Variants in WDR64 observed in about 807,000 individuals in gnomAD.
The protein encoded by WDR64 is WD repeat-containing protein 64.
Under a neutral mutation model 139.3 loss-of-function variants are expected in WDR64, and 112 were observed. That is an observed-to-expected ratio of 0.80 (90% CI 0.69 to 0.94). WDR64 has a LOEUF of 0.94. WDR64 is among the 40% of genes least tolerant of loss of function. WDR64 has a pLI of 0.00. For synonymous variants in WDR64, 444 were observed against 437.7 expected, an observed-to-expected ratio of 1.01 and a Z score of -0.18; for missense variants, 1,206 against 1,293.1, an observed-to-expected ratio of 0.93 and a Z score of 1.03.
intron 8 of WDR64, among the ~76,000 whole-genome samples, chr1:241,694,484 T>G (rs1363677131): frequency 1.4e-5 from 2 of 146,704 alleles, no homozygotes; most frequent in African/African-American, 5.5e-5. Context: ...TTAGTTTCTG[T>G]AATATAATTA....
At chr1:241,747,921 T>A (rs1669825881) in intron 13 of WDR64, among the ~76,000 whole-genome samples, 1 of 152,110 alleles carries the variant, frequency 6.6e-6, no homozygotes. Flanking sequence ...ATTGCTGAGA[T>A]CTGAGTGTAG....
Position 241,771,552 on chromosome 1 carries a change from G to A in WDR64, c.2254-109G>A, listed in dbSNP as rs1574085508. 11 of 737,294 alleles carry A rather than the reference G, an allele frequency of 1.5e-5. No individual in the cohort carries two copies. The East Asian group carries it at 3.3e-4, about 22-fold the overall frequency. 45.7% of individuals were successfully genotyped at this position (737,294 alleles called of 1,614,324 possible). The stretch of plus-strand genomic sequence containing the variant: ...AAAAAATTAAAGTATAATTTTAAAA[G>A]TAATGCTTAGAAATGAAAATTCAAC... On this transcript the variant is annotated intron_variant, in intron 18 of 27. Coordinates refer to ENST00000437684, the MANE Select transcript of WDR64 (RefSeq NM_001367482.1).
chr1:241,780,080 C>T lies in WDR64; in HGVS notation c.2595+18C>T, dbSNP rs759215431. 6 of 1,581,690 alleles carry T rather than the reference C, an allele frequency of 3.8e-6. No individual in the cohort carries two copies. In the East Asian group the frequency reaches 1.2e-4, roughly 30 times the overall value. On this transcript the variant is annotated intron_variant, in intron 22 of 27. Transcript: ENST00000437684. ...ATGAAAAGGTAAGAACTTCAGTTTT[C>T]CACTTTAATTTATGAGTCAGCATAT...
chr1:241,664,506 CTG>C (rs1165715703), intron 2 of WDR64, among the ~76,000 whole-genome samples: 1 of 152,194 alleles, frequency 6.6e-6, no homozygotes, highest in Non-Finnish European at 1.5e-5. Flanking sequence ...ACAAAGCACT[CTG>C]TGATAAATCC....
intron 9 of WDR64, among the ~76,000 whole-genome samples, chr1:241,718,903 T>C (rs1055960614): frequency 3.3e-5 from 5 of 152,086 alleles, no homozygotes; most frequent in Non-Finnish European, 7.4e-5. Flanking sequence ...ATTAATCCCA[T>C]CATGAGGGCC....
intron 9 of WDR64, among the ~76,000 whole-genome samples, chr1:241,714,712 A>G (rs889713358): frequency 5.3e-5 from 8 of 152,236 alleles, no homozygotes; most frequent in Non-Finnish European, 1.2e-4. Context: ...CAAAGATAAT[A>G]TAGTAGCCTA....
At chr1:241,689,452 T>C (rs1303685630) in intron 8 of WDR64, among the ~76,000 whole-genome samples, 1 of 152,130 alleles carries the variant, frequency 6.6e-6, no homozygotes, top group East Asian at 1.9e-4. Context: ...GCTAGTTTTA[T>C]ATAGAACAGA....
intron 23 of WDR64, among the ~76,000 whole-genome samples, chr1:241,785,958 C>A (rs1334807414): frequency 6.6e-6 from 1 of 152,160 alleles, no homozygotes; most frequent in Admixed American, 6.5e-5. Context: ...GAGCTCCATG[C>A]ATAGCAGGAA....
At chr1:241,749,501 C>A in intron 13 of WDR64, 46 bp from the exon 14 acceptor site, 1 of 1,581,710 alleles carries the variant, frequency 6.3e-7, no homozygotes, top group Non-Finnish European at 8.6e-7. Flanking sequence ...GCCAAGCTTT[C>A]TCTAAGTCAT....
chr1:241,700,430 A>G (rs538644219), intron 8 of WDR64, among the ~76,000 whole-genome samples: 1 of 152,138 alleles, frequency 6.6e-6, no homozygotes, highest in South Asian at 2.1e-4. Flanking sequence ...TGGTCAGGAG[A>G]GACTGCTCTG....
chr1:241,704,102 C>T (rs1007218679), intron 8 of WDR64, among the ~76,000 whole-genome samples: 3 of 152,114 alleles, frequency 2.0e-5, no homozygotes, highest in Non-Finnish European at 2.9e-5. Context: ...ACATCATGGG[C>T]CCACATTGTA....
chr1:241,714,703 A>G (rs1402142317), intron 9 of WDR64, among the ~76,000 whole-genome samples: 2 of 152,232 alleles, frequency 1.3e-5, no homozygotes, highest in Non-Finnish European at 2.9e-5. Context: ...ACAGTATTAC[A>G]AAGATAATAT....
intron 8 of WDR64, among the ~76,000 whole-genome samples, chr1:241,710,332 C>G (rs1320707068): frequency 6.6e-6 from 1 of 152,112 alleles, no homozygotes; most frequent in Non-Finnish European, 1.5e-5. Context: ...GTCTCGTCTA[C>G]TAAGTGAGGA....
At chr1:241,772,451 C>CTTT (rs534177884) in intron 19 of WDR64, among the ~76,000 whole-genome samples, 1,504 of 58,960 alleles carry the variant, frequency 0.026, 341 homozygotes, top group East Asian at 0.12. Context: ...AAGATAGATC[C>CTTT]TTTTTTTTTT....
chr1:241,772,394 T>A (rs1249063569), intron 19 of WDR64, among the ~76,000 whole-genome samples: 4 of 148,918 alleles, frequency 2.7e-5, no homozygotes, highest in Non-Finnish European at 4.5e-5. Flanking sequence ...GTCTGCCTTG[T>A]GTTTTACATT....
intron 13 of WDR64, among the ~76,000 whole-genome samples, chr1:241,747,321 G>A (rs1669801249): frequency 6.6e-6 from 1 of 152,114 alleles, no homozygotes; most frequent in Non-Finnish European, 1.5e-5. Context: ...TCTGGACAAG[G>A]TCTGTAGTCT....
chr1:241,778,966 G>C (rs10802991), intron 21 of WDR64, among the ~76,000 whole-genome samples: 27,011 of 151,820 alleles, frequency 0.18, 2,827 homozygotes, highest in African/African-American at 0.27. Flanking sequence ...TGTCTTCTTA[G>C]TTTCCTTATG....
At chr1:241,710,964 G>A (rs1293493421) in intron 8 of WDR64, among the ~76,000 whole-genome samples, 2 of 152,198 alleles carry the variant, frequency 1.3e-5, no homozygotes, top group South Asian at 2.1e-4. Flanking sequence ...CAGGCCAGGC[G>A]CGTGGCTCAC....
chr1:241,744,557 T>C (rs1669679730), intron 13 of WDR64, 41 bp downstream of exon 13: 2 of 1,607,640 alleles, frequency 1.2e-6, no homozygotes, highest in African/African-American at 2.7e-5. Flanking sequence ...TGCTTTAGTG[T>C]CCTGAGAATT....
Sources: allele counts gnomAD v4.1 joint callset (sites outside exome capture counted in the v4.1 genomes callset), GRCh38; gene constraint gnomAD v4.1.1; transcripts MANE v1.5; gene names NCBI Gene and HGNC (gene_info 2026-07-23, HGNC 2026-07-21).